The following GALNT2 variants were observed in gnomAD, a reference collection of about 807,000 sequenced individuals.
GALNT2 encodes the protein polypeptide N-acetylgalactosaminyltransferase 2, also known as UDP-GalNAc:polypeptide N-acetylgalactosaminyltransferase 2.
In GALNT2, 31 loss-of-function variants were observed where a neutral mutation model predicts 81.4. That is an observed-to-expected ratio of 0.38 (90% CI 0.29 to 0.51). GALNT2 has a LOEUF of 0.51. Among genes scored for constraint, GALNT2 ranks in the 20% least tolerant of loss-of-function variants. GALNT2 has a pLI of 0.87. For synonymous variants in GALNT2, 303 were observed against 287.4 expected (o/e 1.05, Z -0.55); for missense variants, 629 against 765.7 (o/e 0.82, Z 2.11).
intron 11 of GALNT2, among the ~76,000 whole-genome samples, chr1:230,256,602 G>A (rs1050725181): frequency 6.6e-6 from 1 of 152,166 alleles, no homozygotes; most frequent in Non-Finnish European, 1.5e-5. Context: ...ACAGAGTCAC[G>A]ATTCTTGATG....
At chr1:230,109,101 C>T (rs1054965965) in intron 1 of GALNT2, among the ~76,000 whole-genome samples, 1 of 152,244 alleles carries the variant, frequency 6.6e-6, no homozygotes, top group African/African-American at 2.4e-5. Flanking sequence ...TTGCTGGCAG[C>T]AACTCACTGA....
At chr1:230,209,017 A>G (rs1416132462) in intron 3 of GALNT2, among the ~76,000 whole-genome samples, 1 of 151,240 alleles carries the variant, frequency 6.6e-6, no homozygotes, top group Non-Finnish European at 1.5e-5. Context: ...TCAAGCCCTC[A>G]TTTACTTATT....
intron 3 of GALNT2, among the ~76,000 whole-genome samples, chr1:230,229,063 C>T (rs568876416): frequency 3.0e-4 from 45 of 152,238 alleles, no homozygotes; most frequent in Admixed American, 5.9e-4. Flanking sequence ...TAATGACCTT[C>T]GGTTAAGAAA....
Position 230,275,422 on chromosome 1 carries a change from A to G in GALNT2, c.1560+858A>G, listed in dbSNP as rs1460311041. ...ATATATACATATGTAAACACCACATATATACACACCACATATATATACACG... is the reference window on the plus strand; with the variant it reads ...ATATATACATATGTAAACACCACATGTATACACACCACATATATATACACG... On this transcript the variant is annotated intron_variant, in intron 15 of 15. Coordinates refer to ENST00000366672, the MANE Select transcript of GALNT2 (RefSeq NM_004481.5). The surrounding 1 kb of genome is among the most constrained non-coding windows in gnomAD (Gnocchi z 5.5). Among the ~76,000 whole-genome samples, 1 of 151,598 alleles carries G rather than the reference A, an allele frequency of 6.6e-6. No homozygotes were observed. Among genetic ancestry groups the G allele is most frequent in the Non-Finnish European group, 1.5e-5 (1 of 67,832 alleles).
chr1:230,279,466 C>G lies in GALNT2; in HGVS notation c.*8C>G. On this transcript the variant is annotated 3_prime_UTR_variant, in exon 16 of 16. Coordinates refer to ENST00000366672, the MANE Select transcript of GALNT2 (RefSeq NM_004481.5). This position sits in a 1 kb window ranked among gnomAD's most constrained non-coding sequence, Gnocchi z 4.6. ...CTCAACCTGCAGCAGTAGGAGGGTCCGGGAGGCCCTGCCGTCCTGTCTCCT... is the reference window on the plus strand; with the variant it reads ...CTCAACCTGCAGCAGTAGGAGGGTCGGGGAGGCCCTGCCGTCCTGTCTCCT... 6.2e-7 allele frequency: 1 copy of G among 1,612,414 alleles called. No homozygotes were observed. Among genetic ancestry groups the G allele is most frequent in the East Asian group, 2.2e-5 (1 of 44,836 alleles).
intron 1 of GALNT2, among the ~76,000 whole-genome samples, chr1:230,099,712 C>T (rs1040198118): frequency 6.6e-6 from 1 of 152,210 alleles, no homozygotes; most frequent in African/African-American, 2.4e-5. Flanking sequence ...CTGCCTTCTT[C>T]CTAGTGGTGT....
intron 1 of GALNT2, among the ~76,000 whole-genome samples, chr1:230,144,139 T>C (rs1020459938): frequency 6.6e-6 from 1 of 152,032 alleles, no homozygotes; most frequent in Non-Finnish European, 1.5e-5. Context: ...GCAGAGCAGG[T>C]TGGGGTAGGA....
rs1383589499 is a variant in GALNT2 at position 230,243,497 on chromosome 1, G to A, written c.729+70G>A. 3.2e-6 allele frequency: 5 copies of A among 1,565,702 alleles called. No homozygotes were observed. The highest frequency in any genetic ancestry group is 4.3e-6 in the Non-Finnish European group (5 of 1,161,192). On this transcript the variant is annotated intron_variant, in intron 7 of 15. Coordinates refer to ENST00000366672, the MANE Select transcript of GALNT2 (RefSeq NM_004481.5). This position sits in a 1 kb window ranked among gnomAD's most constrained non-coding sequence, Gnocchi z 4.2. ...GGTAGAGGGGACAGAAGGGAGCATG[G>A]TCCAGGGGAGGTGTAACGCAGGGAG...
intron 14 of GALNT2, among the ~76,000 whole-genome samples, chr1:230,272,174 G>C (rs1666175359): frequency 6.6e-6 from 1 of 152,170 alleles, no homozygotes; most frequent in Non-Finnish European, 1.5e-5. Context: ...ATGTCACACT[G>C]TCCTAGAGTA....
intron 14 of GALNT2, among the ~76,000 whole-genome samples, chr1:230,268,046 A>G (rs1666079086): frequency 6.6e-6 from 1 of 152,088 alleles, no homozygotes; most frequent in Non-Finnish European, 1.5e-5. Flanking sequence ...TGTTCTTGAG[A>G]TCTGGAAAGC....
chr1:230,090,493 C>G lies in GALNT2; in HGVS notation c.126+23087C>G, dbSNP rs1430620439. On this transcript the variant is annotated intron_variant, in intron 1 of 15. Transcript: ENST00000366672. ...GGTGTCCTGCTGTCTCTGTAGTTAA[C>G]TCTTAGGAGAAATAACGGTTGTGTG... is the stretch of plus-strand genomic sequence containing the variant. Among the ~76,000 whole-genome samples, 5 of 151,820 alleles carry G rather than the reference C, an allele frequency of 3.3e-5. No homozygotes were observed. The East Asian group carries it at 9.7e-4, about 29-fold the overall frequency.
At position 230,275,661 on chromosome 1, in the gene GALNT2, A is replaced by C. The variant is rs1666279245; in HGVS notation, c.1560+1097A>C. Among the ~76,000 whole-genome samples, 3 of 150,548 alleles carry C rather than the reference A, an allele frequency of 2.0e-5. No individual in the cohort carries two copies. The highest frequency in any genetic ancestry group is 7.4e-5 in the African/African-American group (3 of 40,694). On this transcript the variant is annotated intron_variant, in intron 15 of 15. Transcript: ENST00000366672. This position sits in a 1 kb window ranked among gnomAD's most constrained non-coding sequence, Gnocchi z 5.5. The stretch of plus-strand genomic sequence containing the variant: ...CCACATAGATATACAAGCACAACAT[A>C]TATACATGCCACATGTATACATATG...
At chr1:230,185,273 CGTGTGTGTGT>C (rs1177553093) in intron 2 of GALNT2, among the ~76,000 whole-genome samples, 1 of 119,428 alleles carries the variant, frequency 8.4e-6, no homozygotes. Flanking sequence ...TGCGTGCGTG[CGTGTGTGTGT>C]GTGTGTGTGT....
chr1:230,096,130 C>G (rs917602582), intron 1 of GALNT2, among the ~76,000 whole-genome samples: 4 of 152,066 alleles, frequency 2.6e-5, no homozygotes, highest in Non-Finnish European at 2.9e-5. Context: ...GCCAGGCTCA[C>G]CTGGGGGCCC....
At chr1:230,182,536 TC>T (rs1183711944) in intron 2 of GALNT2, among the ~76,000 whole-genome samples, 1 of 152,254 alleles carries the variant, frequency 6.6e-6, no homozygotes, top group Non-Finnish European at 1.5e-5. Flanking sequence ...CTTTGGGATT[TC>T]CCAGCTAGCT....
chr1:230,275,249 TATAC>T lies in GALNT2; in HGVS notation c.1560+689_1560+692del, dbSNP rs1251575434. ...TATATGCATATGTAAACACCGCATA[TATAC>T]ATATATACACACCACATGTATACGT... On this transcript the variant is annotated intron_variant, in intron 15 of 15. Transcript: ENST00000366672. The surrounding 1 kb of genome is among the most constrained non-coding windows in gnomAD (Gnocchi z 5.5). 6.6e-6 allele frequency among the ~76,000 whole-genome samples: 1 copy of T among 151,392 alleles called. No homozygotes were observed. The highest frequency in any genetic ancestry group is 2.4e-5 in the African/African-American group (1 of 41,134).
chr1:230,248,489 G>A (rs547717753), intron 8 of GALNT2, among the ~76,000 whole-genome samples: 3 of 152,322 alleles, frequency 2.0e-5, no homozygotes, highest in East Asian at 1.9e-4. Flanking sequence ...GAGCAAGAGC[G>A]AGACCTGAGG....
chr1:230,058,429 A>G (rs1658970166), intron 1 of GALNT2, among the ~76,000 whole-genome samples: 1 of 152,146 alleles, frequency 6.6e-6, no homozygotes, highest in African/African-American at 2.4e-5. Context: ...CACCCTCTCC[A>G]GATAGCTGCT....
upstream of GALNT2, among the ~76,000 whole-genome samples, chr1:230,065,853 T>C (rs1659160735): frequency 1.3e-5 from 2 of 152,342 alleles, no homozygotes; most frequent in Admixed American, 6.5e-5. Context: ...TCTGACTTTT[T>C]CCCAGAAACA....
Sources: allele counts gnomAD v4.1 joint callset (sites outside exome capture counted in the v4.1 genomes callset), GRCh38; gene constraint gnomAD v4.1.1; non-coding constraint Gnocchi (gnomAD v3.1); transcripts MANE v1.5; gene names NCBI Gene and HGNC (gene_info 2026-07-23, HGNC 2026-07-21).